Variants in DCST2 observed in about 807,000 individuals in gnomAD.
The protein encoded by DCST2 is DC-STAMP domain-containing protein 2.
DCST2 carries 64 observed loss-of-function variants against 81.8 expected under a neutral mutation model. The ratio of observed to expected loss-of-function variants is 0.78; its 90% CI spans 0.64 to 0.96. The LOEUF is 0.96. DCST2 is among the 40% of genes least tolerant of loss of function. DCST2 has a pLI of 0.00. For synonymous variants in DCST2, 354 were observed against 402.6 expected, an observed-to-expected ratio of 0.88 and a Z score of 1.44; for missense variants, 945 against 1,001.4, an observed-to-expected ratio of 0.94 and a Z score of 0.76.
At chr1:155,022,173 T>C in intron 14 of DCST2, among the ~76,000 whole-genome samples, 1 of 152,320 alleles carries the variant, frequency 6.6e-6, no homozygotes, top group East Asian at 1.9e-4. Flanking sequence ...GGCCCGCTTA[T>C]GGTCTTAAAA....
Position 155,026,314 on chromosome 1 carries a change from T to G in DCST2, c.1599A>C (p.Pro533=). ...LRRVICASYY[P]SREQERISYL... ...CCGGACCCCTCACCTGCTCCCGGGA[T>G]GGGTAGTAGGAGGCACAGATGACTC... The change falls in exon 10 of 15, where the codon CCA becomes CCC. Residue 533 remains proline (P), a synonymous_variant. Transcript: ENST00000368424. 6.2e-7 allele frequency: 1 copy of G among 1,613,622 alleles called. No individual in the cohort carries two copies. The highest frequency in any genetic ancestry group is 1.6e-4 in the Middle Eastern group (1 of 6,062).
chr1:155,031,582 A>G lies in DCST2; in HGVS notation c.731T>C (p.Leu244Pro), dbSNP rs201138965. 3.4e-6 allele frequency: 5 copies of G among 1,478,562 alleles called. No individual in the cohort carries two copies. The African/African-American group carries it at 7.1e-5, about 21-fold the overall frequency. The allele number at this position is 1,478,562 out of a possible 1,614,324, so 91.6% of individuals were successfully genotyped here. ...GACCCTGGTTTTCTCACGGCTGGCA[A>G]GTCCACAGAGCGCCAGTTTGAAGGG... The part of the protein sequence containing the change: ...LMPFKLALCG[L>P]ASLVQVFCVI... Residue 244 changes from leucine to proline, a missense_variant, in exon 4 of 15, where the codon CTT becomes CCT. By Grantham distance (98) the Leu-to-Pro change is moderately conservative. Transcript: ENST00000368424.
At chr1:155,031,417 AC>A (rs953519836) in intron 4 of DCST2, among the ~76,000 whole-genome samples, 156 bp downstream of exon 4, 2 of 69,360 alleles carry the variant, frequency 2.9e-5, no homozygotes, top group Admixed American at 1.5e-4. Flanking sequence ...CCTACTGCCC[AC>A]CCCCACCCCC....
chr1:155,023,515 C>T (rs1659812391), intron 12 of DCST2, 58 bp from the exon 13 acceptor site: 1 of 1,551,430 alleles, frequency 6.4e-7, no homozygotes. Flanking sequence ...ACCCTCTGTG[C>T]TTCCTGGTTG....
chr1:155,020,194 C>A (rs186791865), intron 14 of DCST2, among the ~76,000 whole-genome samples: 3 of 152,146 alleles, frequency 2.0e-5, no homozygotes, highest in African/African-American at 2.4e-5. Flanking sequence ...TCTAGAAAAC[C>A]CTTTTAGTGC....
chr1:155,025,856 T>C, intron 10 of DCST2, among the ~76,000 whole-genome samples: 1 of 152,038 alleles, frequency 6.6e-6, no homozygotes, highest in South Asian at 2.1e-4. Flanking sequence ...TGGCGTTTTA[T>C]TTTCTTTTTT....
In DCST2 at chr1:155,030,191, A is replaced by T. The variant is rs770447615; in HGVS notation, c.1070T>A (p.Ile357Asn). Residue 357 changes from isoleucine (I) to asparagine (N), a missense_variant, in exon 7 of 15, where the codon ATC becomes AAC. Transcript: ENST00000368424. ...GCGCAGGAATCGGCTAGTGATGTAG[A>T]TATTGTCATAATGGTCCCAGTTCAG... ...CYLNWDHYDN[I>N]YITSRFLRME... 4 of 1,614,146 alleles carry T rather than the reference A, an allele frequency of 2.5e-6. No homozygotes were observed. Among genetic ancestry groups the T allele is most frequent in the Admixed American group, 3.3e-5 (2 of 60,018 alleles).
chr1:155,021,450 CAT>C (rs1427680919), intron 14 of DCST2, among the ~76,000 whole-genome samples: 1 of 151,876 alleles, frequency 6.6e-6, no homozygotes, highest in Non-Finnish European at 1.5e-5. Context: ...TACTTGATTT[CAT>C]ATGTTTGGCT....
chr1:155,025,865 T>C (rs962293921), intron 10 of DCST2, among the ~76,000 whole-genome samples: 4 of 151,908 alleles, frequency 2.6e-5, no homozygotes, highest in Admixed American at 6.6e-5. Context: ...ATTTTCTTTT[T>C]TTTTCTTTCT....
At chr1:155,031,094 C>T (rs911565585) in intron 5 of DCST2, 75 bp downstream of exon 5, 2 of 1,475,626 alleles carry the variant, frequency 1.4e-6, no homozygotes, top group Non-Finnish European at 1.8e-6. Context: ...GCACTGGGGG[C>T]TGGCCATGGC....
At chr1:155,020,244 ACTCT>A (rs1316191864) in intron 14 of DCST2, among the ~76,000 whole-genome samples, 3 of 152,014 alleles carry the variant, frequency 2.0e-5, no homozygotes, top group Admixed American at 6.6e-5. Flanking sequence ...TGTGAAGCTA[ACTCT>A]CTCTTTCTCT....
At chr1:155,022,428 A>G (rs186631292) in intron 14 of DCST2, among the ~76,000 whole-genome samples, 317 of 152,056 alleles carry the variant, frequency 2.1e-3, no homozygotes, top group African/African-American at 6.7e-3. Context: ...GTTGCCCCCA[A>G]AATCCAGCCC....
chr1:155,031,784 G>A lies in DCST2; in HGVS notation c.542-13C>T, dbSNP rs780039766. ...CGGAGAGCCCTGGCTGGGGACAGCT[G>A]CAGGGTTGGCACCCAGGGCTGGAAT... On this transcript the variant is annotated splice_polypyrimidine_tract_variant and intron_variant, in intron 3 of 14. Coordinates refer to ENST00000368424, the MANE Select transcript of DCST2 (RefSeq NM_144622.3). The A allele has an allele frequency of 1.2e-6, 2 of 1,612,502 alleles. No homozygotes were observed. Among genetic ancestry groups the A allele is most frequent in the South Asian group, 1.1e-5 (1 of 90,946 alleles).
intron 4 of DCST2, 70 bp from the exon 5 acceptor site, chr1:155,031,304 C>A: frequency 6.8e-7 from 1 of 1,467,196 alleles, no homozygotes; most frequent in Admixed American, 2.4e-5. Context: ...CTCTGGAGAC[C>A]TCTTCTCACA....
chr1:155,027,134 G>A (rs960072037), intron 8 of DCST2, among the ~76,000 whole-genome samples: 22 of 151,482 alleles, frequency 1.5e-4, no homozygotes, highest in African/African-American at 4.6e-4. Flanking sequence ...CCAGGTTTGA[G>A]TGATTCTCCT....
At chr1:155,023,316 C>T (rs1195947662) in intron 13 of DCST2, 48 bp downstream of exon 13, 1 of 1,612,374 alleles carries the variant, frequency 6.2e-7, no homozygotes, top group South Asian at 1.1e-5. Context: ...GTGCCTACTT[C>T]CACTGCCCCT....
At chr1:155,029,913 C>G (rs1660018498) in intron 7 of DCST2, among the ~76,000 whole-genome samples, 171 bp downstream of exon 7, 1 of 152,250 alleles carries the variant, frequency 6.6e-6, no homozygotes, top group South Asian at 2.1e-4. Flanking sequence ...CGGGCAGTGT[C>G]TTCCCTCAGC....
chr1:155,028,868 C>CAAAAA (rs71767777), intron 8 of DCST2, among the ~76,000 whole-genome samples: 3 of 101,496 alleles, frequency 3.0e-5, no homozygotes, highest in Admixed American at 1.1e-4. Context: ...GACTCTGTCT[C>CAAAAA]AAAAAAAAAA....
chr1:155,030,580 A>G lies in DCST2; in HGVS notation c.871T>C (p.Phe291Leu). 6.2e-7 allele frequency: 1 copy of G among 1,614,068 alleles called. No individual in the cohort carries two copies. Among genetic ancestry groups the G allele is most frequent in the South Asian group, 1.1e-5 (1 of 91,088 alleles). The change falls in exon 6 of 15, where the codon TTC becomes CTC. Residue 291 changes from phenylalanine (F) to leucine (L), a missense_variant. Coordinates refer to ENST00000368424, the MANE Select transcript of DCST2 (RefSeq NM_144622.3). ...FEFNMTATHH[F>L]SVDLNASRSL... The stretch of plus-strand genomic sequence containing the variant: ...CGAGAGGCATTGAGATCCACAGAGA[A>G]GTGGTGGGTGGCTGTCATGTTGAAC...
Sources: allele counts gnomAD v4.1 joint callset (sites outside exome capture counted in the v4.1 genomes callset), GRCh38; gene constraint gnomAD v4.1.1; transcripts MANE v1.5; gene names NCBI Gene and HGNC (gene_info 2026-07-23, HGNC 2026-07-21).